PXDNL: variants seen among roughly 807,000 people sequenced by gnomAD.
PXDNL encodes the protein peroxidasin like.
Under a neutral mutation model 150.8 loss-of-function variants are expected in PXDNL, and 145 were observed. That is an observed-to-expected ratio of 0.96 (90% CI 0.84 to 1.10). The LOEUF is 1.10. Ranked by LOEUF, PXDNL falls within the 50% of genes least tolerant of loss-of-function variation. PXDNL has a pLI of 0.00. For missense variants in PXDNL, 2,087 were observed against 1,873.9 expected, an observed-to-expected ratio of 1.11 and a Z score of -2.10; for synonymous variants, 757 against 725.7, an observed-to-expected ratio of 1.04 and a Z score of -0.69.
At chr8:51,431,805 T>C (rs1725920742) in intron 12 of PXDNL, among the ~76,000 whole-genome samples, 1 of 152,218 alleles carries the variant, frequency 6.6e-6, no homozygotes, top group Non-Finnish European at 1.5e-5. Flanking sequence ...GACATCTACA[T>C]TAATTCTCAG....
At chr8:51,464,072 A>C (rs889027749) in intron 8 of PXDNL, among the ~76,000 whole-genome samples, 2 of 152,224 alleles carry the variant, frequency 1.3e-5, no homozygotes, top group Middle Eastern at 3.4e-3. Flanking sequence ...GCAGAAGAAA[A>C]AATATAACTG....
chr8:51,732,682 G>C (rs1816956963), intron 1 of PXDNL, among the ~76,000 whole-genome samples: 1 of 152,152 alleles, frequency 6.6e-6, no homozygotes, highest in African/African-American at 2.4e-5. Context: ...CCACATAGCT[G>C]GGGAGGCCTC....
chr8:51,470,615 C>G (rs1449786693), intron 8 of PXDNL, among the ~76,000 whole-genome samples: 1 of 151,934 alleles, frequency 6.6e-6, no homozygotes, highest in Non-Finnish European at 1.5e-5. Flanking sequence ...ATGTTAACTA[C>G]CAGTTCAGTT....
chr8:51,509,792 G>A (rs974788861), intron 4 of PXDNL, among the ~76,000 whole-genome samples: 22 of 137,548 alleles, frequency 1.6e-4, no homozygotes, highest in African/African-American at 4.3e-4. Flanking sequence ...ACACACACAC[G>A]TATATGTATA....
intron 2 of PXDNL, among the ~76,000 whole-genome samples, chr8:51,606,933 T>G (rs907187535): frequency 6.6e-6 from 1 of 152,194 alleles, no homozygotes; most frequent in African/African-American, 2.4e-5. Flanking sequence ...ATAGTTCTTT[T>G]GCTCACTGTC....
At chr8:51,587,854 C>T (rs1177760834) in intron 3 of PXDNL, among the ~76,000 whole-genome samples, 4 of 152,154 alleles carry the variant, frequency 2.6e-5, no homozygotes. Flanking sequence ...GTTCTAGATA[C>T]TAATTCTAGA....
chr8:51,548,507 AC>A (rs1236923568), intron 4 of PXDNL, among the ~76,000 whole-genome samples: 11 of 152,348 alleles, frequency 7.2e-5, no homozygotes, highest in South Asian at 6.2e-4. Flanking sequence ...CAGAAACCTT[AC>A]AAGCCAGGAT....
At chr8:51,666,240 T>C (rs933600519) in intron 1 of PXDNL, among the ~76,000 whole-genome samples, 3 of 152,152 alleles carry the variant, frequency 2.0e-5, no homozygotes, top group Admixed American at 2.0e-4. Context: ...ATCCTTGATC[T>C]TCCCCTTTCT....
At chr8:51,702,320 G>C (rs948795076) in intron 1 of PXDNL, among the ~76,000 whole-genome samples, 4 of 152,172 alleles carry the variant, frequency 2.6e-5, no homozygotes, top group Non-Finnish European at 5.9e-5. Flanking sequence ...ACTGAGAGCT[G>C]AAGTGGAAAC....
intron 5 of PXDNL, 116 bp from the exon 6 acceptor site, chr8:51,483,830 A>T: frequency 1.6e-6 from 1 of 640,890 alleles, no homozygotes; most frequent in South Asian, 1.9e-5. Flanking sequence ...TTCAGTGAGA[A>T]AGGGCAAACA....
At chr8:51,533,747 G>C (rs1312963986) in intron 4 of PXDNL, among the ~76,000 whole-genome samples, 1 of 150,568 alleles carries the variant, frequency 6.6e-6, no homozygotes, top group Non-Finnish European at 1.5e-5. Context: ...TCGGCCTCCC[G>C]AGGTGCCGGG....
At chr8:51,602,348 A>G (rs1813741527) in intron 2 of PXDNL, among the ~76,000 whole-genome samples, 1 of 152,000 alleles carries the variant, frequency 6.6e-6, no homozygotes, top group African/African-American at 2.4e-5. Flanking sequence ...ACATAATCCC[A>G]TATTTCTTAA....
intron 1 of PXDNL, among the ~76,000 whole-genome samples, chr8:51,748,352 A>C (rs2037008622): frequency 6.6e-6 from 1 of 152,200 alleles, no homozygotes; most frequent in Non-Finnish European, 1.5e-5. Context: ...TGGGGATGGA[A>C]AGGGTTTTGT....
intron 1 of PXDNL, among the ~76,000 whole-genome samples, chr8:51,798,763 A>G (rs1390567902): frequency 6.6e-6 from 1 of 152,208 alleles, no homozygotes; most frequent in African/African-American, 2.4e-5. Context: ...CCATTGTGGA[A>G]GACAGTGTGG....
intron 4 of PXDNL, among the ~76,000 whole-genome samples, chr8:51,506,045 A>T (rs569736958): frequency 6.6e-6 from 1 of 152,388 alleles, no homozygotes; most frequent in African/African-American, 2.4e-5. Flanking sequence ...GGAAAAATTG[A>T]CTGAATTATC....
intron 1 of PXDNL, among the ~76,000 whole-genome samples, chr8:51,660,867 T>C (rs1040291239): frequency 2.0e-5 from 3 of 152,140 alleles, no homozygotes; most frequent in African/African-American, 7.2e-5. Flanking sequence ...CTCTACTCCC[T>C]GTAGCCAGGC....
chr8:51,486,954 C>T (rs1425630697), intron 5 of PXDNL, among the ~76,000 whole-genome samples: 1 of 151,194 alleles, frequency 6.6e-6, no homozygotes, highest in Non-Finnish European at 1.5e-5. Flanking sequence ...GCCACCCCGC[C>T]CAGCTAATTT....
At chr8:51,576,811 G>A (rs1258392269) in intron 3 of PXDNL, among the ~76,000 whole-genome samples, 1 of 151,692 alleles carries the variant, frequency 6.6e-6, no homozygotes, top group Non-Finnish European at 1.5e-5. Context: ...ATACCAATAT[G>A]AGAAAATCAC....
intron 1 of PXDNL, among the ~76,000 whole-genome samples, chr8:51,669,969 G>A (rs1815466815): frequency 6.6e-6 from 1 of 152,128 alleles, no homozygotes; most frequent in Non-Finnish European, 1.5e-5. Context: ...GAGCACGGTG[G>A]CTCATGCCTG....
Sources: allele counts gnomAD v4.1 joint callset (sites outside exome capture counted in the v4.1 genomes callset), GRCh38; gene constraint gnomAD v4.1.1; transcripts MANE v1.5; gene names NCBI Gene and HGNC (gene_info 2026-07-23, HGNC 2026-07-21).